RPL10: variants seen among roughly 807,000 people sequenced by gnomAD.
RPL10 encodes ribosomal protein L10.
A neutral mutation model predicts 15.7 loss-of-function variants in RPL10; 1 was observed. The observed-to-expected ratio is 0.06, with a 90% confidence interval of 0.02 to 0.30. The LOEUF (loss-of-function observed/expected upper bound fraction) is 0.30, where lower values mean the gene tolerates loss of function less well. Among genes scored for constraint, RPL10 ranks in the 10% least tolerant of loss-of-function variants. The probability of loss-of-function intolerance (pLI) is 1.00; values close to 1 mark genes in which losing one functional copy is unlikely to be tolerated. For synonymous variants in RPL10, 59 were observed against 64.0 expected (o/e 0.92, Z 0.37); for missense variants, 54 against 183.4 (o/e 0.29, Z 4.08).
Position 154,401,062 on chromosome X carries a change from A to C in RPL10, c.*208A>C. On this transcript the variant is annotated 3_prime_UTR_variant, in exon 7 of 7. Transcript: ENST00000369817. ...GCAAAGGGCTGGGACTGGTGGCCTTATGTCAGTTGTCTACTCTGGAGCTTG... is the reference window on the plus strand; with the variant it reads ...GCAAAGGGCTGGGACTGGTGGCCTTCTGTCAGTTGTCTACTCTGGAGCTTG... The C allele has an allele frequency of 1.8e-6, 2 of 1,087,865 alleles. No individual in the cohort carries two copies. The highest frequency in any genetic ancestry group is 2.4e-6 in the Non-Finnish European group (2 of 817,768). The allele number at this position is 1,087,865 out of a possible 1,213,427, so 89.7% of individuals were successfully genotyped here. A position where few individuals can be genotyped will look rare whatever the true frequency, so the allele number is the denominator to read the frequency against.
At chrX:154,398,310 A>G (rs781960047), upstream of RPL10, 2 of 558,228 alleles carry the variant, frequency 3.6e-6, no homozygotes, top group African/African-American at 4.4e-5. Context: ...CGTCTTCGAC[A>G]GGACTCTATG....
chrX:154,400,430 T>C lies in RPL10; in HGVS notation c.330-34T>C, dbSNP rs782455958. 16 of 1,195,262 alleles carry C rather than the reference T, an allele frequency of 1.3e-5. No homozygotes were observed. In the Middle Eastern group the frequency reaches 1.2e-3, roughly 92 times the overall value. On this transcript the variant is annotated intron_variant, in intron 5 of 6. Transcript: ENST00000369817. ...TGGAGACAGGCCTTTCAGGTGGATG[T>C]TCATGTTTCTGACCTTGCACTACCC...
At position 154,398,487 on chromosome X, in the gene RPL10, T is replaced by C; in HGVS notation, c.-23-10T>C. 8 of 1,211,091 alleles carry C rather than the reference T, an allele frequency of 6.6e-6. No individual in the cohort carries two copies. Among genetic ancestry groups the C allele is most frequent in the Non-Finnish European group, 8.9e-6 (8 of 895,001 alleles). On this transcript the variant is annotated splice_polypyrimidine_tract_variant and intron_variant, in intron 1 of 6. Transcript: ENST00000369817. The stretch of plus-strand genomic sequence containing the variant: ...CGTCTTCCGTTCCGACTCTCTCTTT[T>C]TCGTTGCAGCCACTGAAGATCCTGG...
chrX:154,398,647 G>C (rs1318747628), intron 2 of RPL10, 105 bp downstream of exon 2: 15 of 1,029,387 alleles, frequency 1.5e-5, no homozygotes, highest in Non-Finnish European at 2.0e-5. Context: ...CCGTGCGGCG[G>C]CCCTGTCTTG....
chrX:154,402,107 A>G lies in RPL10; in HGVS notation c.*1253A>G, dbSNP rs1381381406. The G allele has an allele frequency of 8.8e-6, 1 of 114,196 alleles. No homozygotes were observed. Among genetic ancestry groups the G allele is most frequent in the African/African-American group, 3.2e-5 (1 of 31,013 alleles). The allele number at this position is 114,196 out of a possible 1,213,427, so 9.4% of individuals were successfully genotyped here. Reference sequence around the variant, plus strand: ...TACCAGGCATGCAGAAGCCTGTACCAACACAGACTACAGCACCCAGGAGGT... The same window carrying G: ...TACCAGGCATGCAGAAGCCTGTACCGACACAGACTACAGCACCCAGGAGGT... On this transcript the variant is annotated 3_prime_UTR_variant, in exon 7 of 7. Coordinates refer to ENST00000369817, the MANE Select transcript of RPL10 (RefSeq NM_006013.5).
rs1229733979 is a variant in RPL10, at chrX:154,401,951, A to C, written c.*1097A>C. ...GGAGGATGGAAGGGAGGGGTCCGGC[A>C]TGCTGCTGGCATTTTGCTGTGTCCT... On this transcript the variant is annotated 3_prime_UTR_variant, in exon 7 of 7. Transcript: ENST00000369817. The C allele has an allele frequency of 9.0e-6, 1 of 111,612 alleles. No individual in the cohort carries two copies. Among genetic ancestry groups the C allele is most frequent in the Non-Finnish European group, 1.9e-5 (1 of 53,141 alleles). The allele number at this position is 111,612 out of a possible 1,213,427, so 9.2% of individuals were successfully genotyped here.
At position 154,401,883 on chromosome X, in the gene RPL10, A is replaced by G. The variant is rs1286926412; in HGVS notation, c.*1029A>G. 1 of 111,664 alleles carries G rather than the reference A, an allele frequency of 9.0e-6. No individual in the cohort carries two copies. Among genetic ancestry groups the G allele is most frequent in the African/African-American group, 3.3e-5 (1 of 30,622 alleles). 9.2% of individuals were successfully genotyped at this position (111,664 alleles called of 1,213,427 possible). ...ATTATAGTTAACACATGACCCTTCT[A>G]GCGTCCCAGCCAGTGTTTTTCCTGA... On this transcript the variant is annotated 3_prime_UTR_variant, in exon 7 of 7. Transcript: ENST00000369817.
At chrX:154,400,022 G>A (rs782147643) in intron 5 of RPL10, 81 bp downstream of exon 5, 391 of 1,139,102 alleles carry the variant, frequency 3.4e-4, no homozygotes, top group Non-Finnish European at 4.6e-4. Flanking sequence ...GCATAGAGGT[G>A]GCCCCAGTGA....
rs782160948 is a variant in RPL10, at chrX:154,400,987, C to T, written c.*133C>T. On this transcript the variant is annotated 3_prime_UTR_variant, in exon 7 of 7. Transcript: ENST00000369817. ...GAACCTTTGGGTCATTGCCCTTTCA[C>T]TTCAGAAACAGGTTGACAACTCAGC... The T allele has an allele frequency of 1.4e-5, 16 of 1,166,525 alleles. No homozygotes were observed. Among genetic ancestry groups the T allele is most frequent in the Middle Eastern group, 2.3e-4 (1 of 4,319 alleles).
At chrX:154,399,749 G>A in intron 4 of RPL10, 54 bp from the exon 5 acceptor site, 1 of 1,203,086 alleles carries the variant, frequency 8.3e-7, no homozygotes, top group Non-Finnish European at 1.1e-6. Flanking sequence ...TAGTCGTGGT[G>A]AATGTTTCTC....
At position 154,398,399 on chromosome X, in the gene RPL10, G is replaced by GT. The variant is rs782355855; in HGVS notation, c.-24+6dup. 2.4e-5 allele frequency: 22 copies of GT among 903,080 alleles called. No individual in the cohort carries two copies. Among genetic ancestry groups the GT allele is most frequent in the South Asian group, 1.2e-4 (6 of 50,808 alleles). 74.4% of individuals were successfully genotyped at this position (903,080 alleles called of 1,213,427 possible). ...CGCCTCTTTCCCTTCGGTGTGGTGAGTAAGCGCAGTTGTCGTCTCTTGCGG... is the reference window on the plus strand; with the variant it reads ...CGCCTCTTTCCCTTCGGTGTGGTGAGTTAAGCGCAGTTGTCGTCTCTTGCGG... On this transcript the variant is annotated splice_donor_region_variant and intron_variant, in intron 1 of 6. Transcript: ENST00000369817.
chrX:154,401,947 C>A lies in RPL10; in HGVS notation c.*1093C>A, dbSNP rs1215683074. Reference sequence around the variant, plus strand: ...GAGAGGAGGATGGAAGGGAGGGGTCCGGCATGCTGCTGGCATTTTGCTGTG... The same window carrying A: ...GAGAGGAGGATGGAAGGGAGGGGTCAGGCATGCTGCTGGCATTTTGCTGTG... On this transcript the variant is annotated 3_prime_UTR_variant, in exon 7 of 7. Transcript: ENST00000369817. 9.0e-6 allele frequency: 1 copy of A among 111,458 alleles called. No homozygotes were observed. Among genetic ancestry groups the A allele is most frequent in the Admixed American group, 9.5e-5 (1 of 10,503 alleles). The allele number at this position is 111,458 out of a possible 1,213,427, so 9.2% of individuals were successfully genotyped here.
At chrX:154,398,422 C>G in intron 1 of RPL10, 28 bp downstream of exon 1, 1 of 1,053,578 alleles carries the variant, frequency 9.5e-7, no homozygotes. Flanking sequence ...TCGTCTCTTG[C>G]GGTGCCGTTG....
chrX:154,400,232 A>G (rs1184416779), intron 5 of RPL10: 5 of 563,062 alleles, frequency 8.9e-6, no homozygotes, highest in Admixed American at 2.2e-5. Context: ...AGGTAGCTGA[A>G]GCTGGCAGAG....
At position 154,400,871 on chromosome X, in the gene RPL10, G is replaced by A. The variant is rs782601404; in HGVS notation, c.*17G>A. ...CACTCATGAGGGCTTCCAATGTGCT[G>A]CCCCCCTCTTAATACTCACCAATAA... On this transcript the variant is annotated 3_prime_UTR_variant, in exon 7 of 7. Transcript: ENST00000369817. 5.0e-6 allele frequency: 6 copies of A among 1,210,872 alleles called. No homozygotes were observed. The Admixed American group carries it at 6.5e-5, about 13-fold the overall frequency.
At chrX:154,398,149 G>A (rs2067949440), upstream of RPL10, 2 of 380,376 alleles carry the variant, frequency 5.3e-6, no homozygotes, top group Non-Finnish European at 9.5e-6. Context: ...GGCTTCTCGC[G>A]ACCATGTGGC....
chrX:154,400,400 G>A (rs782498020), intron 5 of RPL10, 64 bp from the exon 6 acceptor site: 9 of 1,145,875 alleles, frequency 7.9e-6, no homozygotes, highest in Non-Finnish European at 8.3e-6. Context: ...TGCTCTAAGG[G>A]ACCTTGGAGA....
rs1319445248 is a variant in RPL10 at position 154,401,130 on chromosome X, T to A, written c.*276T>A. On this transcript the variant is annotated 3_prime_UTR_variant, in exon 7 of 7. Transcript: ENST00000369817. The stretch of plus-strand genomic sequence containing the variant: ...TCCTAGGCAGTAGGTTGAAAAACAC[T>A]GAAGTGCTTTTCATGAAGCACAGCT... The A allele has an allele frequency of 3.3e-6, 2 of 599,156 alleles. No individual in the cohort carries two copies. Among genetic ancestry groups the A allele is most frequent in the Middle Eastern group, 4.1e-4 (1 of 2,440 alleles). The allele number at this position is 599,156 out of a possible 1,213,427, so 49.4% of individuals were successfully genotyped here. A position where few individuals can be genotyped will look rare whatever the true frequency, so the allele number is the denominator to read the frequency against.
chrX:154,400,716 G>T lies in RPL10; in HGVS notation c.507G>T (p.Lys169Asn). Residue 169 changes from lysine (K) to asparagine (N), a missense_variant, in exon 7 of 7, where the codon AAG becomes AAT. Around this residue, in one of 3 missense-constraint regions of RPL10, gnomAD observed 32 missense variants for 76.0 expected, o/e 0.42. Coordinates refer to ENST00000369817, the MANE Select transcript of RPL10 (RefSeq NM_006013.5). The stretch of plus-strand genomic sequence containing the variant: ...TTGCTCCTTAGATCCACATCTCAAA[G>T]AAGTGGGGCTTCACCAAGTTCAATG... ...FPGRQKIHIS[K>N]KWGFTKFNAD... 8.3e-7 allele frequency: 1 copy of T among 1,211,691 alleles called. No homozygotes were observed. Among genetic ancestry groups the T allele is most frequent in the Non-Finnish European group, 1.1e-6 (1 of 895,523 alleles).
Sources: allele counts gnomAD v4.1 joint callset, GRCh38; gene constraint gnomAD v4.1.1; regional missense constraint gnomAD v4.1.1; transcripts MANE v1.5; gene names NCBI Gene and HGNC (gene_info 2026-07-23, HGNC 2026-07-21).